The following PABIR2 variants were observed in gnomAD, a reference collection of about 807,000 sequenced individuals.
PABIR2 encodes the protein PABIR family member 2, also known as family with sequence similarity 122B.
Under a neutral mutation model 22.8 loss-of-function variants are expected in PABIR2, and 7 were observed. The ratio of observed to expected loss-of-function variants is 0.31; its 90% CI spans 0.17 to 0.58. PABIR2 has a LOEUF of 0.58. Among genes scored for constraint, PABIR2 ranks in the 20% least tolerant of loss-of-function variants. The pLI is 0.89. For synonymous variants in PABIR2, 67 were observed against 73.8 expected (o/e 0.91, Z 0.47); for missense variants, 155 against 205.1 (o/e 0.76, Z 1.49).
intron 2 of PABIR2, 144 bp from the exon 3 acceptor site, chrX:134,789,780 C>T (rs2079492652): frequency 2.0e-6 from 1 of 491,417 alleles, no homozygotes; most frequent in South Asian, 3.7e-5. Flanking sequence ...CGTTAATGCA[C>T]TAAAGGCAGT....
intron 2 of PABIR2, among the ~76,000 whole-genome samples, chrX:134,792,545 T>C (rs945673321): frequency 1.8e-4 from 20 of 112,275 alleles, no homozygotes; most frequent in African/African-American, 5.8e-4. Flanking sequence ...CTGTAAGTAT[T>C]TTCAGCCATT....
At chrX:134,780,609 A>G (rs2079131811) in intron 9 of PABIR2, among the ~76,000 whole-genome samples, 1 of 112,194 alleles carries the variant, frequency 8.9e-6, no homozygotes, top group Non-Finnish European at 1.9e-5. Context: ...CCTCAGCTGT[A>G]AAACTCAGGG....
intron 9 of PABIR2, among the ~76,000 whole-genome samples, chrX:134,777,524 CAAAAA>C (rs1177263144): frequency 3.4e-5 from 1 of 29,560 alleles, no homozygotes; most frequent in African/African-American, 1.0e-4. Context: ...GATCTTGTAT[CAAAAA>C]AAAAAAAAAA....
chrX:134,775,412 G>A (rs1801347048), intron 9 of PABIR2, among the ~76,000 whole-genome samples: 1 of 106,544 alleles, frequency 9.4e-6, no homozygotes, highest in Non-Finnish European at 1.9e-5. Flanking sequence ...CAGCTACTTG[G>A]AGAGGCTGAG....
intron 9 of PABIR2, among the ~76,000 whole-genome samples, chrX:134,777,696 C>T (rs1442640239): frequency 9.2e-6 from 1 of 108,730 alleles, no homozygotes; most frequent in Non-Finnish European, 1.9e-5. Flanking sequence ...ATTAGCCGGG[C>T]GTGGTGGCAC....
chrX:134,771,993 A>G lies in PABIR2; in HGVS notation c.*146T>C, dbSNP rs1032561201. 1 of 988,915 alleles carries G rather than the reference A, an allele frequency of 1.0e-6. No homozygotes were observed. Among genetic ancestry groups the G allele is most frequent in the African/African-American group, 2.0e-5 (1 of 50,980 alleles). The allele number at this position is 988,915 out of a possible 1,213,427, so 81.5% of individuals were successfully genotyped here. On this transcript the variant is annotated 3_prime_UTR_variant, in exon 10 of 10. Coordinates refer to ENST00000343004, the MANE Select transcript of PABIR2 (RefSeq NM_001387468.1). ...CTCACAAAATTGAACTTTGGAGAAG[A>G]GAGATGCCAAAGAGTAATAATAGCA...
At chrX:134,793,920 A>G (rs757122859) in intron 1 of PABIR2, 27 bp from the exon 2 acceptor site, 1 of 1,192,721 alleles carries the variant, frequency 8.4e-7, no homozygotes, top group Non-Finnish European at 1.1e-6. Flanking sequence ...CAAACAAACA[A>G]AAAAAACAAA....
chrX:134,771,300 T>C lies in PABIR2; in HGVS notation c.*839A>G, dbSNP rs2078833060. On this transcript the variant is annotated 3_prime_UTR_variant, in exon 10 of 10. Coordinates refer to ENST00000343004, the MANE Select transcript of PABIR2 (RefSeq NM_001387468.1). ...GTGTAAATAACTATTCATTCATTTG[T>C]AGATGCTCCACACATCTGGTCAAGG... 8.7e-7 allele frequency: 1 copy of C among 1,153,999 alleles called. No individual in the cohort carries two copies. Among genetic ancestry groups the C allele is most frequent in the South Asian group, 1.9e-5 (1 of 52,188 alleles).
At chrX:134,778,494 A>G (rs1302648770) in intron 9 of PABIR2, among the ~76,000 whole-genome samples, 1 of 98,080 alleles carries the variant, frequency 1.0e-5, no homozygotes, top group Non-Finnish European at 2.1e-5. Flanking sequence ...ACCAGAGCGA[A>G]ACTCCGTCTC....
intron 9 of PABIR2, among the ~76,000 whole-genome samples, chrX:134,775,517 T>C (rs1233428236): frequency 2.1e-5 from 1 of 47,064 alleles, no homozygotes; most frequent in Non-Finnish European, 3.3e-5. Flanking sequence ...AGACTCCGTC[T>C]CAAAAAAAAA....
chrX:134,780,590 A>G (rs111922108), intron 9 of PABIR2, among the ~76,000 whole-genome samples: 1 of 111,943 alleles, frequency 8.9e-6, no homozygotes, highest in Admixed American at 9.5e-5. Flanking sequence ...AAAACAAAAC[A>G]AAAAAAATCC....
intron 9 of PABIR2, among the ~76,000 whole-genome samples, chrX:134,776,010 T>C (rs1321637623): frequency 1.8e-5 from 2 of 112,104 alleles, no homozygotes; most frequent in Non-Finnish European, 3.8e-5. Flanking sequence ...AACTTGCTCA[T>C]TTTTATGGTG....
intron 9 of PABIR2, among the ~76,000 whole-genome samples, chrX:134,772,517 G>A (rs775797362): frequency 2.7e-5 from 3 of 111,633 alleles, no homozygotes; most frequent in East Asian, 2.8e-4. Flanking sequence ...GCACCAGACC[G>A]CCTAACCTAC....
chrX:134,793,151 AC>A (rs2079600223), intron 2 of PABIR2, among the ~76,000 whole-genome samples: 1 of 111,869 alleles, frequency 8.9e-6, no homozygotes, highest in Non-Finnish European at 1.9e-5. Flanking sequence ...CTATAAATAA[AC>A]CGATGAACCT....
intron 7 of PABIR2, 53 bp from the exon 8 acceptor site, chrX:134,786,003 A>G: frequency 9.4e-7 from 1 of 1,062,638 alleles, no homozygotes; most frequent in Admixed American, 2.2e-5. Context: ...GATGCAAGAT[A>G]AAACAGCAGT....
chrX:134,794,949 A>G (rs1349812456), intron 1 of PABIR2, among the ~76,000 whole-genome samples: 1 of 112,348 alleles, frequency 8.9e-6, no homozygotes, highest in Non-Finnish European at 1.9e-5. Flanking sequence ...TATTTAAATC[A>G]TGATTCAAAA....
chrX:134,776,937 T>C (rs1377052803), intron 9 of PABIR2, among the ~76,000 whole-genome samples: 1 of 112,360 alleles, frequency 8.9e-6, no homozygotes, highest in Non-Finnish European at 1.9e-5. Flanking sequence ...AACCATCCAA[T>C]GATAAAAGTA....
chrX:134,787,598 C>A, intron 6 of PABIR2, 65 bp from the exon 7 acceptor site: 1 of 793,053 alleles, frequency 1.3e-6, no homozygotes, highest in African/African-American at 2.3e-5. Flanking sequence ...TTCTAGCACT[C>A]CAGTTTTCTT....
At chrX:134,783,935 T>C (rs1490990418) in intron 8 of PABIR2, among the ~76,000 whole-genome samples, 1 of 108,297 alleles carries the variant, frequency 9.2e-6, no homozygotes, top group Non-Finnish European at 1.9e-5. Context: ...TAGCTGGCCA[T>C]GGTGGTGTAC....
Sources: gnomAD v4.1 joint callset for allele counts (sites outside exome capture counted in the v4.1 genomes callset) on GRCh38, gnomAD v4.1.1 for gene constraint, MANE v1.5 for transcripts, NCBI Gene and HGNC (gene_info 2026-07-23, HGNC 2026-07-21) for gene names.